PDIA6: variants seen among roughly 807,000 people sequenced by gnomAD.
PDIA6 encodes protein disulfide isomerase family A member 6.
PDIA6 carries 29 observed loss-of-function variants against 58.4 expected under a neutral mutation model. The observed-to-expected ratio is 0.50, with a 90% confidence interval of 0.37 to 0.68. The LOEUF (loss-of-function observed/expected upper bound fraction) is 0.68, where lower values mean the gene tolerates loss of function less well. PDIA6 is among the 30% of genes least tolerant of loss of function. The pLI, the probability that PDIA6 is intolerant of heterozygous loss-of-function variation, is 0.00. For synonymous variants in PDIA6, 192 were observed against 202.6 expected (o/e 0.95, Z 0.44); for missense variants, 480 against 551.0 (o/e 0.87, Z 1.29).
chr2:10,797,021 G>A, intron 4 of PDIA6, 60 bp downstream of exon 4: 1 of 1,495,154 alleles, frequency 6.7e-7, no homozygotes, highest in Non-Finnish European at 9.3e-7. Context: ...TCTCAAGCTT[G>A]TTAAAGAACA....
Position 10,797,209 on chromosome 2 carries a change from T to C in PDIA6, c.220-2A>G. The C allele has an allele frequency of 2.5e-6, 4 of 1,603,074 alleles. No individual in the cohort carries two copies. Among genetic ancestry groups the C allele is most frequent in the Non-Finnish European group, 3.4e-6 (4 of 1,176,584 alleles). ...AACTGCACCAACTTTGACAACATCCTGTGGAAATGTAAAAGAAATAACAAT... is the reference window on the plus strand; with the variant it reads ...AACTGCACCAACTTTGACAACATCCCGTGGAAATGTAAAAGAAATAACAAT... On this transcript the variant is annotated splice_acceptor_variant, in intron 3 of 12. Transcript: ENST00000272227. LOFTEE classifies it high-confidence loss of function.
At position 10,806,628 on chromosome 2, in the gene PDIA6, C is replaced by CGAAAGAAAGAAAGAA. The variant is rs1553339930; in HGVS notation, c.20-3989_20-3988insTTCTTTCTTTCTTTC. On this transcript the variant is annotated intron_variant, in intron 1 of 12. Transcript: ENST00000272227. ...AACCACATCTCCTAAAAAATAAAGA[C>CGAAAGAAAGAAAGAA]AGAAAGAAAGAAAGAAAGAAAAACG... Among the ~76,000 whole-genome samples the CGAAAGAAAGAAAGAA allele has an allele frequency of 3.3e-4, 23 of 70,412 alleles. 1 individual carries two copies. The highest frequency in any genetic ancestry group is 5.2e-4 in the South Asian group (1 of 1,912). 46.2% of individuals were successfully genotyped at this position (70,412 alleles called of 152,430 possible).
At chr2:10,836,046 C>G (rs1254815792), upstream of PDIA6, among the ~76,000 whole-genome samples, 1 of 118,504 alleles carries the variant, frequency 8.4e-6, no homozygotes, top group African/African-American at 3.1e-5. Context: ...GGGCAAGACT[C>G]TGTCTCAAAA....
chr2:10,814,574 TC>T (rs1272837270), upstream of PDIA6, among the ~76,000 whole-genome samples: 3 of 152,088 alleles, frequency 2.0e-5, no homozygotes, highest in East Asian at 5.8e-4. Context: ...TTGACACATT[TC>T]CCCCCTTAAA....
rs1027231045 is a variant in PDIA6 at position 10,812,758 on chromosome 2, G to A, written c.-62C>T. The A allele has an allele frequency of 9.5e-6, 13 of 1,368,988 alleles. No individual in the cohort carries two copies. Among genetic ancestry groups the A allele is most frequent in the East Asian group, 3.2e-5 (1 of 31,050 alleles). The allele number at this position is 1,368,988 out of a possible 1,614,324, so 84.8% of individuals were successfully genotyped here. A position where few individuals can be genotyped will look rare whatever the true frequency, so the allele number is the denominator to read the frequency against. ...CGCCGCTTCAGCCCTGCAGCGTGCC[G>A]CACGCCGCGCCCCCGCGCCCACGTC... On this transcript the variant is annotated 5_prime_UTR_variant, in exon 1 of 13. Coordinates refer to ENST00000272227, the MANE Select transcript of PDIA6 (RefSeq NM_005742.4).
chr2:10,797,675 C>T, intron 3 of PDIA6, 25 bp downstream of exon 3: 1 of 1,591,296 alleles, frequency 6.3e-7, no homozygotes, highest in Non-Finnish European at 8.6e-7. Context: ...GTTTTGTAAG[C>T]CTTTTGCATT....
Position 10,788,879 on chromosome 2 carries a change from C to A in PDIA6, c.925+18G>T, listed in dbSNP as rs1665904416. On this transcript the variant is annotated intron_variant, in intron 9 of 12. Coordinates refer to ENST00000272227, the MANE Select transcript of PDIA6 (RefSeq NM_005742.4). ...CTAGCATAGAACAGCTAAGGGAAAT[C>A]ATTTCCGTCTGTCTTACCAGTATCA... 6.2e-7 allele frequency: 1 copy of A among 1,604,392 alleles called. No individual in the cohort carries two copies. The highest frequency in any genetic ancestry group is 8.5e-7 in the Non-Finnish European group (1 of 1,171,240).
chr2:10,802,763 G>A, intron 1 of PDIA6, 123 bp from the exon 2 acceptor site: 2 of 630,990 alleles, frequency 3.2e-6, no homozygotes, highest in Non-Finnish European at 4.8e-6. Flanking sequence ...GCCTAGCTCT[G>A]GCCCCTCTGC....
intron 1 of PDIA6, among the ~76,000 whole-genome samples, chr2:10,810,872 C>G (rs1004842454): frequency 2.0e-5 from 3 of 152,152 alleles, no homozygotes; most frequent in Non-Finnish European, 2.9e-5. Context: ...CACCATTCCA[C>G]TCAGTGATAA....
chr2:10,793,881 T>C (rs187540702), intron 4 of PDIA6, among the ~76,000 whole-genome samples: 4 of 152,308 alleles, frequency 2.6e-5, no homozygotes, highest in African/African-American at 9.6e-5. Flanking sequence ...GTATGAGGTG[T>C]CTTTAAAGCC....
At chr2:10,791,647 G>T in intron 6 of PDIA6, 148 bp downstream of exon 6, 1 of 689,234 alleles carries the variant, frequency 1.5e-6, no homozygotes, top group Non-Finnish European at 2.3e-6. Flanking sequence ...TGGCGCTAAT[G>T]TCAATGTTTA....
Position 10,789,765 on chromosome 2 carries a change from G to A in PDIA6, c.824C>T (p.Pro275Leu), listed in dbSNP as rs1665946594. Reference sequence around the variant, plus strand: ...GTGGTTTACCTCAAGCAGCTCAGGAGGTGGGGCGTTATCAGAAAACAAATC... The same window carrying A: ...GTGGTTTACCTCAAGCAGCTCAGGAAGTGGGGCGTTATCAGAAAACAAATC... Reference protein sequence around the residue: ...ALDLFSDNAPPPELLEIINED... With the variant: ...ALDLFSDNAPLPELLEIINED... Residue 275 changes from proline (P) to leucine (L), a missense_variant, in exon 8 of 13, where the codon CCT becomes CTT. By Grantham distance (98) the Pro-to-Leu change is moderately conservative. Transcript: ENST00000272227. 2.5e-6 allele frequency: 4 copies of A among 1,613,890 alleles called. No individual in the cohort carries two copies. The highest frequency in any genetic ancestry group is 1.7e-4 in the Middle Eastern group (1 of 6,058).
rs201693668 is a variant in PDIA6 at position 10,786,520 on chromosome 2, G to GCA, written c.1157+759_1157+760dup. ...CTTTGGAGCCCCTACTCTCCACACA[G>GCA]CACACACACACGTCTCCACACAGCA... On this transcript the variant is annotated intron_variant, in intron 11 of 12. Coordinates refer to ENST00000272227, the MANE Select transcript of PDIA6 (RefSeq NM_005742.4). 3.7e-3 allele frequency among the ~76,000 whole-genome samples: 466 copies of GCA among 124,840 alleles called. 1 individual carries two copies. The highest frequency in any genetic ancestry group is 0.023 in the African/African-American group (419 of 18,056). The allele number at this position is 124,840 out of a possible 152,430, so 81.9% of individuals were successfully genotyped here.
At chr2:10,803,647 C>G (rs1426973822) in intron 1 of PDIA6, among the ~76,000 whole-genome samples, 4 of 147,986 alleles carry the variant, frequency 2.7e-5, no homozygotes, top group African/African-American at 4.9e-5. Context: ...ATGCAATTTA[C>G]AACAATAATT....
upstream of PDIA6, among the ~76,000 whole-genome samples, chr2:10,817,310 C>T (rs987331561): frequency 3.3e-5 from 5 of 152,198 alleles, no homozygotes; most frequent in South Asian, 2.1e-4. Flanking sequence ...TGTTACAACA[C>T]GGCAGGTAGA....
At chr2:10,820,515 T>C (rs575051613) in intron 1 of PDIA6, among the ~76,000 whole-genome samples, 1 of 152,240 alleles carries the variant, frequency 6.6e-6, no homozygotes, top group Non-Finnish European at 1.5e-5. Context: ...TTTCTATAGA[T>C]GTCATCGTTG....
Position 10,831,468 on chromosome 2 carries a change from G to A in PDIA6, c.-48+734C>T, listed in dbSNP as rs570566114. 4.6e-5 allele frequency among the ~76,000 whole-genome samples: 7 copies of A among 152,294 alleles called. No homozygotes were observed. The East Asian group carries it at 1.4e-3, about 30-fold the overall frequency. On this transcript the variant is annotated intron_variant, in intron 1 of 13. Transcript: ENST00000381611. ...GTGGCTGGAGCCCTCCCTTGCAGCT[G>A]CTAAGACTGCGTTTCACCCGGCAGC...
intron 4 of PDIA6, 49 bp downstream of exon 4, chr2:10,797,032 G>C (rs200892676): frequency 2.8e-5 from 43 of 1,550,002 alleles, no homozygotes; most frequent in Non-Finnish European, 3.8e-5. Context: ...TTAAAGAACA[G>C]TAGGTTCTTG....
intron 11 of PDIA6, among the ~76,000 whole-genome samples, chr2:10,786,287 C>T (rs536599469): frequency 6.0e-5 from 9 of 151,206 alleles, no homozygotes; most frequent in South Asian, 2.1e-4. Flanking sequence ...CGTGCCAGCC[C>T]GGACGACACA....
Sources: gnomAD v4.1 joint callset for allele counts (sites outside exome capture counted in the v4.1 genomes callset) on GRCh38, gnomAD v4.1.1 for gene constraint, MANE v1.5 for transcripts, NCBI Gene and HGNC (gene_info 2026-07-23, HGNC 2026-07-21) for gene names.